The following GCN1 variants were observed in gnomAD, a reference collection of about 807,000 sequenced individuals.
The protein encoded by GCN1 is GCN1 activator of EIF2AK4.
GCN1 carries 90 observed loss-of-function variants against 288.4 expected under a neutral mutation model. The ratio of observed to expected loss-of-function variants is 0.31; its 90% CI spans 0.26 to 0.37. The LOEUF (loss-of-function observed/expected upper bound fraction) is 0.37. Ranked by LOEUF, GCN1 falls within the 10% of genes least tolerant of loss-of-function variation. The pLI is 1.00. For synonymous variants in GCN1, 1,386 were observed against 1,420.2 expected (o/e 0.98, Z 0.54); for missense variants, 2,586 against 3,419.9 (o/e 0.76, Z 6.08).
At chr12:120,168,886 C>T (rs1470043553) in intron 15 of GCN1, among the ~76,000 whole-genome samples, 1 of 152,218 alleles carries the variant, frequency 6.6e-6, no homozygotes, top group African/African-American at 2.4e-5. Flanking sequence ...CCAGGTAGCC[C>T]AGTGCCTTGC....
chr12:120,186,788 T>G (rs1878834402), intron 2 of GCN1, among the ~76,000 whole-genome samples: 1 of 152,196 alleles, frequency 6.6e-6, no homozygotes, highest in Admixed American at 6.5e-5. Context: ...TACTCCAACC[T>G]ATCAGGGAAG....
intron 14 of GCN1, among the ~76,000 whole-genome samples, chr12:120,172,236 A>C (rs73412859): frequency 1.5e-3 from 229 of 152,300 alleles, no homozygotes; most frequent in African/African-American, 5.3e-3. Flanking sequence ...TTGAGCGTAC[A>C]TTTCTACCCA....
chr12:120,174,162 C>A lies in GCN1; in HGVS notation c.1101G>T (p.Gly367=). The change falls in exon 13 of 58, where the codon GGG becomes GGT. Residue 367 remains glycine (G), a synonymous_variant. Transcript: ENST00000300648. ...CAGACACCACGTGATGACTGACGCTCCCAATCCCTAAAAGGCAGATTCCCT... is the reference window on the plus strand; with the variant it reads ...CAGACACCACGTGATGACTGACGCTACCAATCCCTAAAAGGCAGATTCCCT... The part of the protein sequence containing the change: ...AQKMSVLSGI[G]SVSHHVVSGP... 1 of 1,582,782 alleles carries A rather than the reference C, an allele frequency of 6.3e-7. No homozygotes were observed. Among genetic ancestry groups the A allele is most frequent in the South Asian group, 1.1e-5 (1 of 90,404 alleles).
chr12:120,155,056 TG>T lies in GCN1; in HGVS notation c.3631-17del, dbSNP rs770168549. On this transcript the variant is annotated splice_polypyrimidine_tract_variant and intron_variant, in intron 30 of 57. Coordinates refer to ENST00000300648, the MANE Select transcript of GCN1 (RefSeq NM_006836.2). This position sits in a 1 kb window ranked among gnomAD's most constrained non-coding sequence, Gnocchi z 4.9. Reference sequence around the variant, plus strand: ...GGGGCGGCCGCTGCAACAGACAAGTTGGTAAATGCTTTGCAACGGGCAGATC... The same window carrying T: ...GGGGCGGCCGCTGCAACAGACAAGTTGTAAATGCTTTGCAACGGGCAGATC... The T allele has an allele frequency of 1.2e-6, 2 of 1,610,548 alleles. No homozygotes were observed. Among genetic ancestry groups the T allele is most frequent in the Non-Finnish European group, 1.7e-6 (2 of 1,176,786 alleles).
intron 2 of GCN1, among the ~76,000 whole-genome samples, chr12:120,186,213 T>C (rs766836332): frequency 1.3e-5 from 2 of 151,990 alleles, no homozygotes; most frequent in Non-Finnish European, 2.9e-5. Context: ...GTGGCACGTG[T>C]CTGTAATCCC....
intron 51 of GCN1, among the ~76,000 whole-genome samples, chr12:120,135,225 T>C (rs1204282586): frequency 6.6e-6 from 1 of 152,162 alleles, no homozygotes; most frequent in African/African-American, 2.4e-5. Flanking sequence ...GTGAAACAAA[T>C]GACCTTGGAG....
intron 5 of GCN1, among the ~76,000 whole-genome samples, chr12:120,180,447 G>A (rs1054774204): frequency 2.1e-5 from 3 of 139,668 alleles, no homozygotes; most frequent in Non-Finnish European, 3.1e-5. Flanking sequence ...AAACCCTGTC[G>A]CTACTAAAAA....
Position 120,156,225 on chromosome 12 carries a change from C to T in GCN1, c.3312+236G>A, listed in dbSNP as rs1257425722. ...GCTCTGTCCGTGGAAGTACCAAGGT[C>T]CACATTCCAGTTTAAAAATTAAGTG... On this transcript the variant is annotated intron_variant, in intron 28 of 57. Transcript: ENST00000300648. This position sits in a 1 kb window ranked among gnomAD's most constrained non-coding sequence, Gnocchi z 5.8. Among the ~76,000 whole-genome samples, 1 of 152,188 alleles carries T rather than the reference C, an allele frequency of 6.6e-6. No homozygotes were observed. The highest frequency in any genetic ancestry group is 2.4e-5 in the African/African-American group (1 of 41,440).
chr12:120,161,786 C>G, intron 21 of GCN1, 94 bp downstream of exon 21: 1 of 1,233,644 alleles, frequency 8.1e-7, no homozygotes, highest in Non-Finnish European at 1.2e-6. Context: ...TAGGCTGTTG[C>G]ATTCAACTCA....
intron 36 of GCN1, among the ~76,000 whole-genome samples, 180 bp downstream of exon 36, chr12:120,149,426 G>A (rs1237730039): frequency 2.0e-5 from 3 of 152,136 alleles, no homozygotes; most frequent in Non-Finnish European, 4.4e-5. Context: ...AGCCCCAAAG[G>A]TAAAGACCAG....
chr12:120,177,791 C>A, intron 7 of GCN1, 39 bp from the exon 8 acceptor site: 1 of 1,422,934 alleles, frequency 7.0e-7, no homozygotes, highest in Non-Finnish European at 9.9e-7. Context: ...CTGACATTCT[C>A]AAGTATCTCA....
intron 53 of GCN1, among the ~76,000 whole-genome samples, chr12:120,133,790 C>T (rs1045717812): frequency 4.6e-5 from 7 of 152,156 alleles, no homozygotes; most frequent in Non-Finnish European, 5.9e-5. Context: ...AATAACCGGC[C>T]GGGCGCGGTG....
intron 12 of GCN1, among the ~76,000 whole-genome samples, chr12:120,174,504 A>C (rs1434163746): frequency 6.6e-6 from 1 of 152,192 alleles, no homozygotes; most frequent in African/African-American, 2.4e-5. Flanking sequence ...AAGCTTATCT[A>C]CTACTAGGCC....
At chr12:120,146,176 A>G (rs888007858) in intron 38 of GCN1, among the ~76,000 whole-genome samples, 3 of 151,134 alleles carry the variant, frequency 2.0e-5, no homozygotes, top group African/African-American at 7.3e-5. Context: ...CTGAGGCAGG[A>G]GAATCGCTTG....
intron 26 of GCN1, chr12:120,157,212 A>G (rs1389547235): frequency 4.0e-6 from 2 of 498,690 alleles, no homozygotes; most frequent in Non-Finnish European, 3.6e-6. Context: ...AACTTGCTTG[A>G]AATTCACACT....
intron 5 of GCN1, among the ~76,000 whole-genome samples, chr12:120,182,068 G>A (rs139716583): frequency 6.6e-6 from 1 of 151,544 alleles, no homozygotes; most frequent in African/African-American, 2.4e-5. Context: ...AGAATTGCTT[G>A]AGCCTGGGAG....
intron 44 of GCN1, among the ~76,000 whole-genome samples, chr12:120,141,483 C>CAAAGG (rs959952814): frequency 1.3e-5 from 2 of 152,288 alleles, no homozygotes; most frequent in Admixed American, 1.3e-4. Flanking sequence ...GGAAGTAGAC[C>CAAAGG]AAAGGAGATG....
intron 4 of GCN1, among the ~76,000 whole-genome samples, 192 bp from the exon 5 acceptor site, chr12:120,183,869 T>C (rs1459000437): frequency 6.6e-6 from 1 of 152,158 alleles, no homozygotes; most frequent in Non-Finnish European, 1.5e-5. Flanking sequence ...CAAACTCCCA[T>C]CTCTTGGCAC....
In GCN1 at chr12:120,158,554, G is replaced by A; in HGVS notation, c.2811C>T (p.Ser937=). 3 of 1,604,512 alleles carry A rather than the reference G, an allele frequency of 1.9e-6. No homozygotes were observed. The highest frequency in any genetic ancestry group is 2.6e-6 in the Non-Finnish European group (3 of 1,175,466). The stretch of plus-strand genomic sequence containing the variant: ...CCACCGACAGCTCTTCCTGGCACCA[G>A]GACTTATCCAGGACACACTCTGGCT... ...LLKPECVLDK[S]WCQEELSVAV... Residue 937 remains serine, a synonymous_variant, in exon 25 of 58, where the codon TCC becomes TCT. Coordinates refer to ENST00000300648, the MANE Select transcript of GCN1 (RefSeq NM_006836.2). This position sits in a 1 kb window ranked among gnomAD's most constrained non-coding sequence, Gnocchi z 4.3.
Sources: allele counts gnomAD v4.1 joint callset (sites outside exome capture counted in the v4.1 genomes callset), GRCh38; gene constraint gnomAD v4.1.1; non-coding constraint Gnocchi (gnomAD v3.1); transcripts MANE v1.5; gene names NCBI Gene and HGNC (gene_info 2026-07-23, HGNC 2026-07-21).